The following PRKCB variants were observed in gnomAD, a reference collection of about 807,000 sequenced individuals.
PRKCB encodes the protein protein kinase C beta, also known as protein kinase C beta type.
PRKCB carries 13 observed loss-of-function variants against 81.5 expected under a neutral mutation model. The observed-to-expected ratio is 0.16, with a 90% confidence interval of 0.10 to 0.25. PRKCB has a LOEUF of 0.25. Ranked by LOEUF, PRKCB falls within the 10% of genes least tolerant of loss-of-function variation. The probability of loss-of-function intolerance (pLI) is 1.00; values close to 1 mark genes in which losing one functional copy is unlikely to be tolerated. For synonymous variants in PRKCB, 335 were observed against 321.4 expected, an observed-to-expected ratio of 1.04 and a Z score of -0.45; for missense variants, 509 against 875.7, an observed-to-expected ratio of 0.58 and a Z score of 5.29.
chr16:23,912,418 C>T (rs576426288), intron 2 of PRKCB, among the ~76,000 whole-genome samples: 2 of 151,724 alleles, frequency 1.3e-5, no homozygotes, highest in East Asian at 3.9e-4. Flanking sequence ...TGGTCAGCCC[C>T]GTGTCCTGAT....
chr16:24,197,948 C>T (rs1967902932), intron 16 of PRKCB, among the ~76,000 whole-genome samples: 1 of 152,180 alleles, frequency 6.6e-6, no homozygotes, highest in South Asian at 2.1e-4. Flanking sequence ...TTCTGTGATA[C>T]AGAGCGCTGG....
In PRKCB at chr16:24,191,086, G is replaced by A. The variant is rs114192994; in HGVS notation, c.1723-4G>A. On this transcript the variant is annotated splice_polypyrimidine_tract_variant and splice_region_variant and intron_variant, in intron 15 of 16. Coordinates refer to ENST00000643927, the MANE Select transcript of PRKCB (RefSeq NM_002738.7). ...CAAATTCAATGTTTTTCTTTCTCTC[G>A]AAGCTGATGACCAAACACCCAGGCA... 866 of 1,611,716 alleles carry A rather than the reference G, an allele frequency of 5.4e-4. 4 individuals are homozygous for A. The African/African-American group carries it at 9.4e-3, about 17-fold the overall frequency.
At chr16:24,160,869 C>A (rs752295421) in intron 10 of PRKCB, among the ~76,000 whole-genome samples, 1 of 152,066 alleles carries the variant, frequency 6.6e-6, no homozygotes, top group Non-Finnish European at 1.5e-5. Flanking sequence ...GCAGAGTGTT[C>A]CAGGCAGCAG....
At chr16:24,050,201 C>G (rs1236177781) in intron 5 of PRKCB, among the ~76,000 whole-genome samples, 1 of 152,144 alleles carries the variant, frequency 6.6e-6, no homozygotes, top group Admixed American at 6.5e-5. Context: ...GAGGCAGCCC[C>G]AACTCCTTCA....
chr16:23,957,508 C>T (rs978766943), intron 2 of PRKCB, among the ~76,000 whole-genome samples: 4 of 152,318 alleles, frequency 2.6e-5, no homozygotes, highest in South Asian at 2.1e-4. Context: ...GCCATCAAAA[C>T]AGGAGCTTCA....
intron 10 of PRKCB, among the ~76,000 whole-genome samples, chr16:24,168,119 A>G (rs553652755): frequency 6.6e-6 from 1 of 152,032 alleles, no homozygotes; most frequent in East Asian, 1.9e-4. Flanking sequence ...TTAAATGGTG[A>G]ATTAAATGCT....
chr16:23,921,088 GA>G (rs1417794709), intron 2 of PRKCB, among the ~76,000 whole-genome samples: 3 of 152,154 alleles, frequency 2.0e-5, no homozygotes, highest in Non-Finnish European at 4.4e-5. Flanking sequence ...CAGTATGGGG[GA>G]AACCACCCCC....
intron 10 of PRKCB, among the ~76,000 whole-genome samples, chr16:24,163,010 C>T (rs773235455): frequency 1.3e-5 from 2 of 152,190 alleles, no homozygotes; most frequent in Non-Finnish European, 2.9e-5. Context: ...CTCACTGCTC[C>T]TGGTAAACAT....
At chr16:24,145,086 T>C (rs564970916) in intron 9 of PRKCB, among the ~76,000 whole-genome samples, 1 of 152,180 alleles carries the variant, frequency 6.6e-6, no homozygotes, top group African/African-American at 2.4e-5. Flanking sequence ...CAGGGTCACA[T>C]TGGAGTGACC....
At chr16:24,119,428 T>C (rs1485539130) in intron 8 of PRKCB, among the ~76,000 whole-genome samples, 5 of 152,038 alleles carry the variant, frequency 3.3e-5, no homozygotes, top group African/African-American at 1.2e-4. Flanking sequence ...TCACGTTTCA[T>C]GGGGAGTGTG....
chr16:24,156,828 C>T (rs914575843), intron 10 of PRKCB, among the ~76,000 whole-genome samples: 3 of 152,088 alleles, frequency 2.0e-5, no homozygotes, highest in Admixed American at 6.5e-5. Context: ...CTCCCTTTTC[C>T]ATTGGTTATC....
intron 3 of PRKCB, among the ~76,000 whole-genome samples, chr16:23,992,751 A>C (rs762629596): frequency 6.6e-5 from 10 of 152,204 alleles, no homozygotes; most frequent in African/African-American, 1.7e-4. Flanking sequence ...ATTACAATGC[A>C]AATTGGACTC....
At chr16:23,960,725 A>G (rs1053756876) in intron 2 of PRKCB, among the ~76,000 whole-genome samples, 3 of 152,222 alleles carry the variant, frequency 2.0e-5, no homozygotes. Context: ...GAGAACATGC[A>G]GTAAAACACT....
At chr16:24,019,224 T>G (rs1965327536) in intron 3 of PRKCB, among the ~76,000 whole-genome samples, 1 of 151,684 alleles carries the variant, frequency 6.6e-6, no homozygotes, top group Admixed American at 6.6e-5. Context: ...GAGTCGACTT[T>G]CCCCGGTTAC....
chr16:24,092,676 T>C, intron 5 of PRKCB, 115 bp from the exon 6 acceptor site: 1 of 1,004,872 alleles, frequency 1.0e-6, no homozygotes, highest in South Asian at 1.7e-5. Context: ...AAAATTAAAT[T>C]TCTCACTAAA....
At chr16:24,078,912 G>A (rs1966214483) in intron 5 of PRKCB, among the ~76,000 whole-genome samples, 1 of 152,174 alleles carries the variant, frequency 6.6e-6, no homozygotes. Flanking sequence ...AGATTTCAAA[G>A]CTTCTGGGTC....
Position 24,217,075 on chromosome 16 carries a change from A to G in PRKCB, c.*2259A>G, listed in dbSNP as rs774000910. On this transcript the variant is annotated 3_prime_UTR_variant, in exon 17 of 17. Coordinates refer to ENST00000643927, the MANE Select transcript of PRKCB (RefSeq NM_002738.7). ...AGACAACTTTAGAAAACAATGTAGG[A>G]TGAATGGAAAGAGAAAGAAAGGAAA... is the stretch of plus-strand genomic sequence containing the variant. 79 of 985,012 alleles carry G rather than the reference A, an allele frequency of 8.0e-5. No homozygotes were observed. Among genetic ancestry groups the G allele is most frequent in the Non-Finnish European group, 8.8e-5 (73 of 829,846 alleles). 61.0% of individuals were successfully genotyped at this position (985,012 alleles called of 1,614,324 possible).
At chr16:24,210,121 A>G (rs748737024) in intron 16 of PRKCB, among the ~76,000 whole-genome samples, 2 of 152,158 alleles carry the variant, frequency 1.3e-5, no homozygotes, top group Non-Finnish European at 2.9e-5. Context: ...TCTCTAAAAC[A>G]ATGAAATATT....
chr16:24,096,666 A>AATATATATATATATATATAT (rs58341820), intron 7 of PRKCB, among the ~76,000 whole-genome samples: 15 of 32,634 alleles, frequency 4.6e-4, no homozygotes, highest in East Asian at 2.3e-3. Context: ...AAAAAAAAAA[A>AATATATATATATATATATAT]ATATATATAT....
Sources: gnomAD v4.1 joint callset for allele counts (sites outside exome capture counted in the v4.1 genomes callset) on GRCh38, gnomAD v4.1.1 for gene constraint, MANE v1.5 for transcripts, NCBI Gene and HGNC (gene_info 2026-07-23, HGNC 2026-07-21) for gene names.